CHRDL1: variants seen among roughly 807,000 people sequenced by gnomAD.
CHRDL1 encodes chordin like 1.
CHRDL1 carries 19 observed loss-of-function variants against 40.9 expected under a neutral mutation model. The ratio of observed to expected loss-of-function variants is 0.46; its 90% CI spans 0.32 to 0.68. The LOEUF (loss-of-function observed/expected upper bound fraction) is 0.68. CHRDL1 is among the 30% of genes least tolerant of loss of function. The probability of loss-of-function intolerance (pLI) is 0.03; values close to 1 mark genes in which losing one functional copy is unlikely to be tolerated. For missense variants in CHRDL1, 329 were observed against 352.1 expected (o/e 0.93, Z 0.53); for synonymous variants, 136 against 123.4 (o/e 1.10, Z -0.68).
chrX:110,703,829 G>A (rs138499085), intron 6 of CHRDL1, among the ~76,000 whole-genome samples: 143 of 111,653 alleles, frequency 1.3e-3, no homozygotes, highest in Non-Finnish European at 2.1e-3. Flanking sequence ...CAACCAAAGG[G>A]AGTGACATTG....
intron 4 of CHRDL1, among the ~76,000 whole-genome samples, chrX:110,725,624 T>A (rs907063842): frequency 1.8e-5 from 2 of 111,371 alleles, no homozygotes; most frequent in Non-Finnish European, 3.8e-5. Flanking sequence ...CCCCACCCTA[T>A]AAAATGATCA....
rs2089293906 is a variant in CHRDL1 at position 110,748,256 on chromosome X, C to T, written c.301+11405G>A. Reference sequence around the variant, plus strand: ...TAAAGCTATGTTGAATGGCTCCAGACACAATTTCCCTCAGAAAGCAATCGC... The same window carrying T: ...TAAAGCTATGTTGAATGGCTCCAGATACAATTTCCCTCAGAAAGCAATCGC... On this transcript the variant is annotated intron_variant, in intron 4 of 11. Transcript: ENST00000372042. 2.7e-5 allele frequency among the ~76,000 whole-genome samples: 3 copies of T among 112,123 alleles called. No individual in the cohort carries two copies. In the South Asian group the frequency reaches 1.1e-3, roughly 42 times the overall value.
At chrX:110,779,761 A>C (rs2089911047) in intron 2 of CHRDL1, among the ~76,000 whole-genome samples, 1 of 111,345 alleles carries the variant, frequency 9.0e-6, no homozygotes, top group Admixed American at 9.5e-5. Flanking sequence ...GCATCTATTC[A>C]TCAAGTTGGG....
chrX:110,794,700 G>A (rs981158941), intron 1 of CHRDL1, among the ~76,000 whole-genome samples: 29 of 112,295 alleles, frequency 2.6e-4, no homozygotes, highest in African/African-American at 9.4e-4. Flanking sequence ...AGGTCTCCTG[G>A]GTAGAACAGA....
At chrX:110,677,903 C>T (rs191425897) in intron 11 of CHRDL1, among the ~76,000 whole-genome samples, 330 of 111,450 alleles carry the variant, frequency 3.0e-3, no homozygotes, top group Non-Finnish European at 4.9e-3. Context: ...TTATTAATAT[C>T]GGACCCATTC....
In CHRDL1 at chrX:110,689,969, ATATATATCTATATATCTATATATATC is replaced by A. The variant is rs2070226379; in HGVS notation, c.779-1192_779-1167del. 9.3e-5 allele frequency among the ~76,000 whole-genome samples: 4 copies of A among 42,894 alleles called. 2 individuals carry two copies. Among genetic ancestry groups the A allele is most frequent in the Non-Finnish European group, 1.5e-4 (4 of 26,634 alleles). 37.2% of individuals were successfully genotyped at this position (42,894 alleles called of 115,157 possible). ...TATATCTATATATATCTATATATCT[ATATATATCTATATATCTATATATATC>A]TATATATCTATATATATCTATATAT... On this transcript the variant is annotated intron_variant, in intron 8 of 11. Transcript: ENST00000372042.
intron 4 of CHRDL1, among the ~76,000 whole-genome samples, chrX:110,735,383 T>G (rs2071244593): frequency 8.9e-6 from 1 of 112,068 alleles, no homozygotes; most frequent in African/African-American, 3.2e-5. Context: ...AGACTCTTTT[T>G]TTCACCTAGG....
In CHRDL1 at chrX:110,674,626, CTT is replaced by C. The variant is rs2069738427; in HGVS notation, c.*1603_*1604del. The C allele has an allele frequency of 8.9e-6, 1 of 112,333 alleles. No homozygotes were observed. Among genetic ancestry groups the C allele is most frequent in the Admixed American group, 9.4e-5 (1 of 10,623 alleles). 9.3% of individuals were successfully genotyped at this position (112,333 alleles called of 1,213,427 possible). On this transcript the variant is annotated 3_prime_UTR_variant, in exon 12 of 12. Coordinates refer to ENST00000372042, the MANE Select transcript of CHRDL1 (RefSeq NM_001143981.2). ...CCCTGGCCATAAGGCCCTTGTGTCT[CTT>C]TCATAAGAATTGACTCCTTTATGCC...
Position 110,676,208 on chromosome X carries a change from C to G in CHRDL1, c.*23G>C. ...GCAGCTTGAGTTTTCTTGCTTTACC[C>G]TATCCAATACTGTCTGTCTTGCCTA... On this transcript the variant is annotated 3_prime_UTR_variant, in exon 12 of 12. Transcript: ENST00000372042. 1 of 1,199,282 alleles carries G rather than the reference C, an allele frequency of 8.3e-7. No individual in the cohort carries two copies. Among genetic ancestry groups the G allele is most frequent in the Non-Finnish European group, 1.1e-6 (1 of 889,210 alleles).
At chrX:110,716,005 T>C (rs2070834966) in intron 6 of CHRDL1, among the ~76,000 whole-genome samples, 1 of 112,629 alleles carries the variant, frequency 8.9e-6, no homozygotes. Context: ...TACCAAAGCA[T>C]AAATCAAATT....
At chrX:110,678,755 GTGC>G (rs1320386291) in intron 11 of CHRDL1, among the ~76,000 whole-genome samples, 1 of 110,551 alleles carries the variant, frequency 9.0e-6, no homozygotes, top group Non-Finnish European at 1.9e-5. Context: ...CCCATTAGAA[GTGC>G]TCAACACCCG....
chrX:110,703,134 C>T (rs1569466672), intron 6 of CHRDL1, among the ~76,000 whole-genome samples: 1 of 110,984 alleles, frequency 9.0e-6, no homozygotes, highest in African/African-American at 3.3e-5. Flanking sequence ...TTAGAAATGC[C>T]AAATTTCAGA....
chrX:110,734,004 T>A (rs1162145408), intron 4 of CHRDL1, among the ~76,000 whole-genome samples: 1 of 106,812 alleles, frequency 9.4e-6, no homozygotes. Flanking sequence ...TAGTGATACA[T>A]GCTAATTTTA....
At chrX:110,788,936 A>T (rs146745554) in intron 2 of CHRDL1, among the ~76,000 whole-genome samples, 3,153 of 111,718 alleles carry the variant, frequency 0.028, 104 homozygotes, top group African/African-American at 0.096. Flanking sequence ...AGAAGAAAAT[A>T]TAAAAATATA....
At chrX:110,777,559 A>G (rs1256570188) in intron 2 of CHRDL1, among the ~76,000 whole-genome samples, 2 of 111,473 alleles carry the variant, frequency 1.8e-5, no homozygotes, top group Non-Finnish European at 3.8e-5. Flanking sequence ...ATAGGTGTGT[A>G]GTGGTATCTC....
rs1019633524 is a variant in CHRDL1, at chrX:110,759,746, A to G, written c.216T>C (p.Asn72=). The change falls in exon 4 of 12, where the codon AAT becomes AAC. Residue 72 remains asparagine, a synonymous_variant. Coordinates refer to ENST00000372042, the MANE Select transcript of CHRDL1 (RefSeq NM_001143981.2). The stretch of plus-strand genomic sequence containing the variant: ...GACATCTGACTCGGCTGCAAAGCAC[A>G]TTCCCATTCTGAAAAAGAGAAGGCA... ...CVNCICSENG[N]VLCSRVRCPN... 1 of 1,188,199 alleles carries G rather than the reference A, an allele frequency of 8.4e-7. No individual in the cohort carries two copies. The highest frequency in any genetic ancestry group is 1.1e-6 in the Non-Finnish European group (1 of 873,893).
intron 3 of CHRDL1, among the ~76,000 whole-genome samples, chrX:110,762,228 G>C (rs1354863922): frequency 1.8e-5 from 2 of 112,039 alleles, no homozygotes; most frequent in Non-Finnish European, 3.8e-5. Flanking sequence ...AAAAGCAAGA[G>C]AGGACAGAAG....
At chrX:110,696,233 A>T (rs2070382912) in intron 7 of CHRDL1, among the ~76,000 whole-genome samples, 1 of 111,607 alleles carries the variant, frequency 9.0e-6, no homozygotes, top group Non-Finnish European at 1.9e-5. Flanking sequence ...CTGACTCATG[A>T]TGGTGAACAC....
At chrX:110,711,687 T>A (rs2070748965) in intron 6 of CHRDL1, among the ~76,000 whole-genome samples, 1 of 111,885 alleles carries the variant, frequency 8.9e-6, no homozygotes, top group Admixed American at 9.6e-5. Flanking sequence ...TCAATTTTTA[T>A]GATGTTTAAA....
Sources: allele counts gnomAD v4.1 joint callset (sites outside exome capture counted in the v4.1 genomes callset), GRCh38; gene constraint gnomAD v4.1.1; transcripts MANE v1.5; gene names NCBI Gene and HGNC (gene_info 2026-07-23, HGNC 2026-07-21).